Variants in REPS1 observed in about 807,000 individuals in gnomAD.
REPS1 encodes the protein RALBP1 associated Eps domain containing 1, also known as ralBP1-associated Eps domain-containing protein 1.
REPS1 carries 39 observed loss-of-function variants against 100.9 expected under a neutral mutation model. That is an observed-to-expected ratio of 0.39 (90% CI 0.30 to 0.50). The LOEUF (loss-of-function observed/expected upper bound fraction) is 0.50, where lower values mean the gene tolerates loss of function less well. Ranked by LOEUF, REPS1 falls within the 20% of genes least tolerant of loss-of-function variation. REPS1 has a pLI of 0.86. For synonymous variants in REPS1, 324 were observed against 340.3 expected, an observed-to-expected ratio of 0.95 and a Z score of 0.53; for missense variants, 821 against 968.5, an observed-to-expected ratio of 0.85 and a Z score of 2.02.
At chr6:138,965,167 C>T (rs760563619) in intron 1 of REPS1, among the ~76,000 whole-genome samples, 4 of 152,054 alleles carry the variant, frequency 2.6e-5, no homozygotes, top group East Asian at 1.9e-4. Flanking sequence ...TATTTTACTG[C>T]TCATAATCAG....
intron 9 of REPS1, chr6:138,928,117 AC>A: frequency 6.6e-6 from 1 of 152,256 alleles, no homozygotes; most frequent in East Asian, 1.9e-4. Context: ...AATCCCAGTT[AC>A]GCTGTGCAAA....
Position 138,945,564 on chromosome 6 carries a change from C to A in REPS1, c.411G>T (p.Gly137=). Residue 137 remains glycine (G), a synonymous_variant, in exon 3 of 20, where the codon GGG becomes GGT. Coordinates refer to ENST00000450536, the MANE Select transcript of REPS1 (RefSeq NM_001286611.2). The part of the protein sequence containing the change: ...SGVIPPPPGR[G]QVKKGSVSHD... ...GGCTTACGGATCCCTTTTTCACTTG[C>A]CCCCTGCCAGGTGGTGGGGGAATTA... The A allele has an allele frequency of 1.2e-6, 2 of 1,612,612 alleles. No homozygotes were observed. The highest frequency in any genetic ancestry group is 1.7e-6 in the Non-Finnish European group (2 of 1,179,554).
At chr6:138,918,207 T>C (rs565876037) in intron 12 of REPS1, among the ~76,000 whole-genome samples, 1 of 152,242 alleles carries the variant, frequency 6.6e-6, no homozygotes, top group Admixed American at 6.5e-5. Context: ...TGCCTTGATT[T>C]CCCAAAGTGC....
At chr6:138,930,231 A>C in intron 8 of REPS1, 133 bp from the exon 9 acceptor site, 1 of 670,348 alleles carries the variant, frequency 1.5e-6, no homozygotes, top group Non-Finnish European at 2.4e-6. Context: ...TCCTTTCCTC[A>C]TGTTCTCAGA....
intron 7 of REPS1, among the ~76,000 whole-genome samples, chr6:138,942,010 C>T (rs914081338): frequency 3.9e-5 from 6 of 152,260 alleles, no homozygotes; most frequent in African/African-American, 1.2e-4. Flanking sequence ...TCCTGAGTAG[C>T]TGGGATTACA....
chr6:138,939,438 G>A (rs1419356418), intron 8 of REPS1, among the ~76,000 whole-genome samples: 1 of 152,060 alleles, frequency 6.6e-6, no homozygotes, highest in Non-Finnish European at 1.5e-5. Flanking sequence ...ATTTCTTCCT[G>A]AACCATCAAC....
chr6:138,921,420 GA>G (rs1394732713), intron 10 of REPS1, among the ~76,000 whole-genome samples: 1 of 151,958 alleles, frequency 6.6e-6, no homozygotes, highest in African/African-American at 2.4e-5. Flanking sequence ...AGCACTTTGG[GA>G]GGCCAAGGCA....
At chr6:138,973,420 A>G (rs1784438113) in intron 1 of REPS1, among the ~76,000 whole-genome samples, 1 of 152,124 alleles carries the variant, frequency 6.6e-6, no homozygotes, top group Admixed American at 6.5e-5. Context: ...AAAAGAATTC[A>G]TCATAGGAAG....
intron 1 of REPS1, among the ~76,000 whole-genome samples, chr6:138,978,993 C>T (rs755600334): frequency 6.6e-6 from 1 of 151,848 alleles, no homozygotes; most frequent in Non-Finnish European, 1.5e-5. Flanking sequence ...CCAGCCTGGC[C>T]AACATGGTGA....
intron 9 of REPS1, chr6:138,927,878 C>T (rs1781238639): frequency 6.6e-6 from 1 of 152,118 alleles, no homozygotes; most frequent in South Asian, 2.1e-4. Flanking sequence ...ATTATTGTTA[C>T]AGGGACACAG....
chr6:138,945,096 T>C, intron 4 of REPS1, 123 bp downstream of exon 4: 7 of 756,136 alleles, frequency 9.3e-6, no homozygotes, highest in Non-Finnish European at 1.4e-5. Context: ...AGCCAGGTTC[T>C]GTGGCACAAG....
chr6:138,928,102 A>C (rs1449567792), intron 9 of REPS1: 1 of 152,220 alleles, frequency 6.6e-6, no homozygotes, highest in East Asian at 1.9e-4. Flanking sequence ...GAACCAGACT[A>C]CTGGAATCCC....
chr6:138,985,645 G>A (rs1027839888), intron 1 of REPS1, among the ~76,000 whole-genome samples: 1 of 152,170 alleles, frequency 6.6e-6, no homozygotes, highest in African/African-American at 2.4e-5. Context: ...CTGCTCCAGG[G>A]AGTTCCAACT....
intron 8 of REPS1, among the ~76,000 whole-genome samples, chr6:138,939,780 G>T (rs1017117115): frequency 1.3e-5 from 2 of 152,046 alleles, no homozygotes; most frequent in African/African-American, 4.8e-5. Flanking sequence ...TTCTTAAGTA[G>T]GTAAATTAAA....
chr6:138,944,459 T>A (rs1442371537), intron 5 of REPS1, 39 bp downstream of exon 5: 2 of 1,599,902 alleles, frequency 1.3e-6, no homozygotes, highest in East Asian at 4.5e-5. Context: ...ATACTCTGAA[T>A]GAAGCAAATA....
At chr6:138,909,018 G>A (rs1360070070) in intron 17 of REPS1, 2 of 532,252 alleles carry the variant, frequency 3.8e-6, no homozygotes, top group Admixed American at 3.7e-5. Flanking sequence ...CCACAATCAT[G>A]AATGTACCTG....
chr6:138,935,867 GGCGC>G (rs577753276), intron 8 of REPS1, among the ~76,000 whole-genome samples: 2 of 53,874 alleles, frequency 3.7e-5, no homozygotes, highest in East Asian at 7.5e-4. Flanking sequence ...GGGGGGGGGG[GGCGC>G]GGGGGAGTGG....
chr6:138,962,586 T>C (rs1783801663), intron 1 of REPS1, among the ~76,000 whole-genome samples: 1 of 152,150 alleles, frequency 6.6e-6, no homozygotes, highest in African/African-American at 2.4e-5. Flanking sequence ...GAATAAATAA[T>C]ACAAGAATTC....
rs1348287986 is a variant in REPS1, at chr6:138,912,836, C to T, written c.1900G>A (p.Glu634Lys). The change falls in exon 16 of 20, where the codon GAA (glutamate) becomes AAA (lysine). Residue 634 changes from glutamate to lysine, a missense_variant. Physicochemically the swap from Glu to Lys is moderately conservative, Grantham distance 56. Transcript: ENST00000450536. Reference sequence around the variant, plus strand: ...TTTACATTTGATGCAGCAAATACTTCAAACTGACTGAAATCTGCAAAATTT... The same window carrying T: ...TTTACATTTGATGCAGCAAATACTTTAAACTGACTGAAATCTGCAAAATTT... Reference protein sequence around the residue: ...QPNFADFSQFEVFAASNVNDE... With the variant: ...QPNFADFSQFKVFAASNVNDE... 4 of 1,614,038 alleles carry T rather than the reference C, an allele frequency of 2.5e-6. No homozygotes were observed. The East Asian group carries it at 8.9e-5, about 36-fold the overall frequency.
Sources: allele counts gnomAD v4.1 joint callset (sites outside exome capture counted in the v4.1 genomes callset), GRCh38; gene constraint gnomAD v4.1.1; transcripts MANE v1.5; gene names NCBI Gene and HGNC (gene_info 2026-07-23, HGNC 2026-07-21).